Variants in ANKRD28 observed in about 807,000 individuals in gnomAD.
The protein encoded by ANKRD28 is ankyrin repeat domain 28.
A neutral mutation model predicts 126.5 loss-of-function variants in ANKRD28; 44 were observed. The observed-to-expected ratio is 0.35, with a 90% CI of 0.27 to 0.45. ANKRD28 has a LOEUF of 0.45. ANKRD28 is among the 20% of genes least tolerant of loss of function. ANKRD28 has a pLI of 1.00. For missense variants in ANKRD28, 1,110 were observed against 1,316.6 expected (o/e 0.84, Z 2.43); for synonymous variants, 442 against 468.5 (o/e 0.94, Z 0.73).
upstream of ANKRD28, among the ~76,000 whole-genome samples, chr3:15,799,614 G>T (rs1213273583): frequency 6.6e-6 from 1 of 151,970 alleles, no homozygotes; most frequent in Non-Finnish European, 1.5e-5. Flanking sequence ...AACAACTATA[G>T]TAACAATATC....
At chr3:15,859,373 C>T (rs1281638193) in intron 1 of ANKRD28, 1 of 1,529,212 alleles carries the variant, frequency 6.5e-7, no homozygotes, top group East Asian at 2.6e-5. Context: ...AGCCCCTCAC[C>T]TACCTGGTCA....
At chr3:15,822,808 A>G (rs1312157248) in intron 1 of ANKRD28, among the ~76,000 whole-genome samples, 1 of 152,222 alleles carries the variant, frequency 6.6e-6, no homozygotes, top group African/African-American at 2.4e-5. Context: ...GCTAAAGAAT[A>G]AAATAATTAA....
At chr3:15,840,906 C>T (rs946638731) in intron 1 of ANKRD28, among the ~76,000 whole-genome samples, 18 of 152,028 alleles carry the variant, frequency 1.2e-4, no homozygotes, top group Non-Finnish European at 1.6e-4. Flanking sequence ...TTTGGGAGGC[C>T]GAGGTGGGCG....
chr3:15,820,790 C>CA (rs2060927096), intron 1 of ANKRD28, among the ~76,000 whole-genome samples: 1 of 151,914 alleles, frequency 6.6e-6, no homozygotes, highest in African/African-American at 2.4e-5. Context: ...GATGATATCA[C>CA]AAAAAAAGAA....
At chr3:15,858,687 C>T (rs1176289312) in intron 1 of ANKRD28, among the ~76,000 whole-genome samples, 3 of 152,112 alleles carry the variant, frequency 2.0e-5, no homozygotes, top group African/African-American at 7.2e-5. Flanking sequence ...GCGTCCGGAT[C>T]CTTCAAAAGC....
intron 1 of ANKRD28, among the ~76,000 whole-genome samples, chr3:15,828,664 T>A (rs565990178): frequency 3.9e-4 from 10 of 25,330 alleles, no homozygotes; most frequent in African/African-American, 1.4e-3. Flanking sequence ...TCTGGGGGGG[T>A]GGGGGGGATT....
At chr3:15,716,607 A>AT (rs1476122630) in intron 8 of ANKRD28, among the ~76,000 whole-genome samples, 1 of 152,110 alleles carries the variant, frequency 6.6e-6, no homozygotes, top group African/African-American at 2.4e-5. Flanking sequence ...TTTTACAGAC[A>AT]TAAGGAAAAA....
intron 8 of ANKRD28, among the ~76,000 whole-genome samples, chr3:15,717,728 G>A (rs182327493): frequency 6.6e-5 from 10 of 152,192 alleles, no homozygotes; most frequent in African/African-American, 2.2e-4. Context: ...GTGGGAAAAC[G>A]TGTGCATATA....
intron 21 of ANKRD28, 24 bp downstream of exon 21, chr3:15,685,202 T>G: frequency 6.2e-7 from 1 of 1,604,434 alleles, no homozygotes; most frequent in Non-Finnish European, 8.5e-7. Context: ...CACAATGATA[T>G]GCATTTGTGT....
Position 15,797,437 on chromosome 3 carries a change from A to C in ANKRD28, c.-916T>G, listed in dbSNP as rs1260278430. On this transcript the variant is annotated 5_prime_UTR_variant, in exon 1 of 28. Coordinates refer to ENST00000683139, the MANE Select transcript of ANKRD28 (RefSeq NM_001349278.2). Reference sequence around the variant, plus strand: ...GGCAGTTGTCTGTGGCTGCTCCAGCAAAAGGGCACAGGCACCAGGCAGAAA... The same window carrying C: ...GGCAGTTGTCTGTGGCTGCTCCAGCCAAAGGGCACAGGCACCAGGCAGAAA... 2 of 985,330 alleles carry C rather than the reference A, an allele frequency of 2.0e-6. No individual in the cohort carries two copies. The highest frequency in any genetic ancestry group is 3.5e-5 in the African/African-American group (2 of 57,222). 61.0% of individuals were successfully genotyped at this position (985,330 alleles called of 1,614,324 possible).
intron 27 of ANKRD28, among the ~76,000 whole-genome samples, chr3:15,671,022 A>T (rs1167736281): frequency 6.6e-6 from 1 of 152,264 alleles, no homozygotes; most frequent in Non-Finnish European, 1.5e-5. Context: ...TTAAATGTGT[A>T]CAGCTTCATG....
intron 27 of ANKRD28, among the ~76,000 whole-genome samples, chr3:15,674,545 A>G (rs1159447184): frequency 6.6e-6 from 1 of 152,198 alleles, no homozygotes; most frequent in East Asian, 1.9e-4. Context: ...GGATGTGTCA[A>G]TTAGGCACGT....
chr3:15,768,247 G>C (rs899009616), intron 2 of ANKRD28, among the ~76,000 whole-genome samples: 4 of 152,072 alleles, frequency 2.6e-5, no homozygotes, highest in African/African-American at 9.7e-5. Context: ...TTCTTGTTTA[G>C]GAATCCCTTA....
At position 15,846,322 on chromosome 3, in the gene ANKRD28, G is replaced by A. The variant is rs2061530039; in HGVS notation, c.27+13055C>T. ...CCCATGCAAGTCTGAAACCCAGCAA[G>A]GCAGTCATTAAATCTTAAAGCTCCA... On this transcript the variant is annotated intron_variant, in intron 1 of 27. Coordinates refer to the ANKRD28 transcript ENST00000399451. This position sits in a 1 kb window ranked among gnomAD's most constrained non-coding sequence, Gnocchi z 5.4. Among the ~76,000 whole-genome samples, 1 of 152,248 alleles carries A rather than the reference G, an allele frequency of 6.6e-6. No homozygotes were observed. The highest frequency in any genetic ancestry group is 1.5e-5 in the Non-Finnish European group (1 of 68,048).
At chr3:15,787,693 C>A (rs1359361398) in intron 2 of ANKRD28, among the ~76,000 whole-genome samples, 2 of 152,136 alleles carry the variant, frequency 1.3e-5, no homozygotes, top group Non-Finnish European at 2.9e-5. Context: ...AGCTCAGAAA[C>A]ATCAACAGCT....
chr3:15,837,130 C>T (rs904417757), intron 1 of ANKRD28, among the ~76,000 whole-genome samples: 4 of 148,684 alleles, frequency 2.7e-5, no homozygotes, highest in Non-Finnish European at 3.0e-5. Context: ...AAAAACCATA[C>T]GGAGCTAACA....
At chr3:15,685,478 T>A in intron 20 of ANKRD28, 33 bp from the exon 21 acceptor site, 2 of 1,600,540 alleles carry the variant, frequency 1.2e-6, no homozygotes, top group Non-Finnish European at 1.7e-6. Context: ...TAGTCAAACA[T>A]ATTATGCTAA....
intron 1 of ANKRD28, among the ~76,000 whole-genome samples, chr3:15,824,001 G>A (rs1184247805): frequency 6.6e-6 from 1 of 152,140 alleles, no homozygotes; most frequent in East Asian, 1.9e-4. Flanking sequence ...TCAGGAGAGA[G>A]ATAAAGATGC....
chr3:15,818,840 G>A lies in ANKRD28; in HGVS notation c.28-23534C>T, dbSNP rs77311165. On this transcript the variant is annotated intron_variant, in intron 1 of 27. Coordinates refer to the ANKRD28 transcript ENST00000399451. The stretch of plus-strand genomic sequence containing the variant: ...ATTTTTCCTCATTTAATTTATAGGT[G>A]AAAAGTAATCACAGTCAAAATCTCA... Among the ~76,000 whole-genome samples, 470 of 152,210 alleles carry A rather than the reference G, an allele frequency of 3.1e-3. 4 individuals are homozygous for A. The highest frequency in any genetic ancestry group is 9.8e-3 in the African/African-American group (408 of 41,514).
Sources: allele counts gnomAD v4.1 joint callset (sites outside exome capture counted in the v4.1 genomes callset), GRCh38; gene constraint gnomAD v4.1.1; non-coding constraint Gnocchi (gnomAD v3.1); transcripts MANE v1.5; gene names NCBI Gene and HGNC (gene_info 2026-07-23, HGNC 2026-07-21).